DPP6: variants seen among roughly 807,000 people sequenced by gnomAD.
DPP6 encodes A-type potassium channel modulatory protein DPP6.
In DPP6, 69 loss-of-function variants were observed where a neutral mutation model predicts 122.6. The ratio of observed to expected loss-of-function variants is 0.56; its 90% CI spans 0.46 to 0.69. DPP6 has a LOEUF of 0.69. Ranked by LOEUF, DPP6 falls within the 30% of genes least tolerant of loss-of-function variation. The pLI is 0.00. For synonymous variants in DPP6, 418 were observed against 433.1 expected (o/e 0.97, Z 0.43); for missense variants, 928 against 1,116.9 (o/e 0.83, Z 2.41).
intron 2 of DPP6, among the ~76,000 whole-genome samples, chr7:154,474,542 T>C (rs1026941370): frequency 1.3e-5 from 2 of 152,250 alleles, no homozygotes; most frequent in African/African-American, 4.8e-5. Flanking sequence ...GCTAAAATGC[T>C]GCACTTAATG....
intron 20 of DPP6, among the ~76,000 whole-genome samples, chr7:154,878,775 C>T (rs1805097505): frequency 6.6e-6 from 1 of 152,162 alleles, no homozygotes; most frequent in South Asian, 2.1e-4. Flanking sequence ...CTCCTAGAGA[C>T]AGGTTGTCTC....
intron 10 of DPP6, among the ~76,000 whole-genome samples, chr7:154,788,727 C>CT (rs1797488681): frequency 1.3e-5 from 2 of 152,092 alleles, no homozygotes; most frequent in Non-Finnish European, 2.9e-5. Flanking sequence ...ACATTCGGGT[C>CT]TTTTTTCCTA....
chr7:153,814,178 C>A, the DPP6 span, among the ~76,000 whole-genome samples: 1 of 151,800 alleles, frequency 6.6e-6, no homozygotes, highest in Non-Finnish European at 1.5e-5. Flanking sequence ...AGTCTTTAAT[C>A]CAAGGACCAA....
intron 6 of DPP6, among the ~76,000 whole-genome samples, chr7:154,655,977 G>A (rs548399575): frequency 9.2e-5 from 14 of 152,126 alleles, no homozygotes; most frequent in Non-Finnish European, 1.5e-4. Flanking sequence ...GTGAGAAATC[G>A]CCACAAACTG....
intron 1 of DPP6, among the ~76,000 whole-genome samples, chr7:154,257,890 T>C (rs1289996552): frequency 6.6e-6 from 1 of 152,180 alleles, no homozygotes; most frequent in Non-Finnish European, 1.5e-5. Context: ...TGGCTTCTGT[T>C]GGTTAGCAGA....
chr7:153,786,013 TTATC>T, the DPP6 span, among the ~76,000 whole-genome samples: 1 of 152,292 alleles, frequency 6.6e-6, no homozygotes, highest in Admixed American at 6.5e-5. Context: ...ATGTAATAGT[TTATC>T]TACTGCTTAT....
the DPP6 span, among the ~76,000 whole-genome samples, chr7:153,878,972 G>A: frequency 4.0e-4 from 61 of 151,744 alleles, no homozygotes; most frequent in East Asian, 9.3e-3. Context: ...AAAGGAAGGA[G>A]GAAAGGAGAA....
chr7:154,615,274 G>A (rs1375793064), intron 5 of DPP6, among the ~76,000 whole-genome samples: 1 of 152,108 alleles, frequency 6.6e-6, no homozygotes, highest in Non-Finnish European at 1.5e-5. Context: ...GCAATTATAT[G>A]TATTCTGTGA....
In DPP6 at chr7:154,833,216, G is replaced by T. The variant is rs1800768597; in HGVS notation, c.1667-20564G>T. 6.6e-6 allele frequency among the ~76,000 whole-genome samples: 1 copy of T among 152,186 alleles called. No homozygotes were observed. The highest frequency in any genetic ancestry group is 6.5e-5 in the Admixed American group (1 of 15,282). Reference sequence around the variant, plus strand: ...CAGTGCAGAAGAGTGAGGGTCCCGGGGTCCCAGTGCCCTGCCAGCATATTG... The same window carrying T: ...CAGTGCAGAAGAGTGAGGGTCCCGGTGTCCCAGTGCCCTGCCAGCATATTG... On this transcript the variant is annotated intron_variant, in intron 16 of 25. Transcript: ENST00000377770. The surrounding 1 kb of genome is among the most constrained non-coding windows in gnomAD (Gnocchi z 4.3).
chr7:154,678,773 A>G (rs1839093627), intron 7 of DPP6, among the ~76,000 whole-genome samples: 1 of 152,216 alleles, frequency 6.6e-6, no homozygotes, highest in South Asian at 2.1e-4. Context: ...CCAGATTCAG[A>G]TCGTGGTTGC....
At position 154,052,929 on chromosome 7, in the gene DPP6, G is replaced by T. The variant is rs2240820; in HGVS notation, c.109G>T (p.Gly37Cys). The T allele has an allele frequency of 1.5e-5, 22 of 1,468,006 alleles. No individual in the cohort carries two copies. Among genetic ancestry groups the T allele is most frequent in the Non-Finnish European group, 2.0e-5 (22 of 1,105,034 alleles). The allele number at this position is 1,468,006 out of a possible 1,614,324, so 90.9% of individuals were successfully genotyped here. A position where few individuals can be genotyped will look rare whatever the true frequency, so the allele number is the denominator to read the frequency against. ...GGGCGGCCAGGGGCCCGAGGAGGAC[G>T]GCGGCGCAGGAGCCAAGCCCCTCGG... ...LLGGQGPEED[G>C]GAGAKPLGPR... Residue 37 changes from glycine (G) to cysteine (C), a missense_variant, in exon 1 of 26, where the codon GGC (glycine) becomes TGC (cysteine). Gly to Cys is a radical substitution (Grantham distance 159, BLOSUM62 -3). Transcript: ENST00000377770. This position sits in a 1 kb window ranked among gnomAD's most constrained non-coding sequence, Gnocchi z 4.8.
chr7:154,597,565 A>G (rs1304633627), intron 5 of DPP6, among the ~76,000 whole-genome samples: 1 of 151,736 alleles, frequency 6.6e-6, no homozygotes, highest in Non-Finnish European at 1.5e-5. Flanking sequence ...GTGAGCCAAG[A>G]TCGTGCCACT....
intron 1 of DPP6, among the ~76,000 whole-genome samples, chr7:154,130,661 A>G (rs1395088892): frequency 2.0e-5 from 3 of 152,072 alleles, no homozygotes; most frequent in Non-Finnish European, 4.4e-5. Flanking sequence ...CAGGCCTGAC[A>G]GTGGCCCTGC....
chr7:154,197,717 C>T (rs1204544035), intron 1 of DPP6, among the ~76,000 whole-genome samples: 1 of 152,184 alleles, frequency 6.6e-6, no homozygotes, highest in Non-Finnish European at 1.5e-5. Context: ...TGCCAAGATG[C>T]TCATTTGTTC....
At chr7:154,793,930 C>T in intron 10 of DPP6, 149 bp from the exon 11 acceptor site, 1 of 1,305,518 alleles carries the variant, frequency 7.7e-7, no homozygotes. Context: ...CTTTATAAGC[C>T]AGATTTCAGA....
At chr7:154,711,361 G>A (rs1841169215) in intron 7 of DPP6, among the ~76,000 whole-genome samples, 1 of 152,208 alleles carries the variant, frequency 6.6e-6, no homozygotes. Context: ...AACAGAGCAA[G>A]ACCCCCATCT....
chr7:154,888,102 T>A (rs1002627465), intron 23 of DPP6, among the ~76,000 whole-genome samples: 11 of 150,246 alleles, frequency 7.3e-5, no homozygotes, highest in African/African-American at 2.7e-4. Flanking sequence ...TTTTTTTTTT[T>A]TTTTGAGATG....
chr7:154,453,266 C>A (rs1820548526), intron 2 of DPP6, among the ~76,000 whole-genome samples: 1 of 152,206 alleles, frequency 6.6e-6, no homozygotes, highest in Admixed American at 6.5e-5. Flanking sequence ...GGTGGTACAT[C>A]AATGAGAAGC....
At chr7:153,842,951 G>A in the DPP6 span, among the ~76,000 whole-genome samples, 6 of 152,040 alleles carry the variant, frequency 3.9e-5, no homozygotes, top group East Asian at 1.9e-4. Context: ...GAAGAAAATC[G>A]ATGCCCCCAC....
Sources: gnomAD v4.1 joint callset for allele counts (sites outside exome capture counted in the v4.1 genomes callset) on GRCh38, gnomAD v4.1.1 for gene constraint, Gnocchi (gnomAD v3.1) non-coding constraint, MANE v1.5 for transcripts, NCBI Gene and HGNC (gene_info 2026-07-23, HGNC 2026-07-21) for gene names.